The following SLCO5A1 variants were observed in gnomAD, a reference collection of about 807,000 sequenced individuals.
The protein encoded by SLCO5A1 is organic anion transporter polypeptide-related protein 4.
SLCO5A1 carries 39 observed loss-of-function variants against 65.1 expected under a neutral mutation model. That is an observed-to-expected ratio of 0.60 (90% CI 0.46 to 0.78). The LOEUF (loss-of-function observed/expected upper bound fraction) is 0.78, where lower values mean the gene tolerates loss of function less well. SLCO5A1 is among the 30% of genes least tolerant of loss of function. The pLI is 0.00. For synonymous variants in SLCO5A1, 438 were observed against 415.7 expected (o/e 1.05, Z -0.65); for missense variants, 1,029 against 1,069.4 (o/e 0.96, Z 0.53).
chr8:69,763,143 C>G (rs1029790371), intron 2 of SLCO5A1, among the ~76,000 whole-genome samples: 6 of 151,894 alleles, frequency 4.0e-5, no homozygotes, highest in African/African-American at 1.5e-4. Flanking sequence ...AACCTCGTCT[C>G]TACTAAAAAT....
intron 5 of SLCO5A1, among the ~76,000 whole-genome samples, chr8:69,723,897 T>G (rs1815950534): frequency 6.6e-6 from 1 of 152,030 alleles, no homozygotes. Context: ...CTCAGCCTTC[T>G]GAGTAGCTGA....
intron 2 of SLCO5A1, among the ~76,000 whole-genome samples, chr8:69,778,297 A>C (rs1040040420): frequency 6.6e-6 from 1 of 151,360 alleles, no homozygotes; most frequent in African/African-American, 2.4e-5. Context: ...TTGTATATTT[A>C]ATTATGTACA....
chr8:69,668,565 T>A lies in SLCO5A1; in HGVS notation c.*4304A>T, dbSNP rs1813244674. 1 of 152,238 alleles carries A rather than the reference T, an allele frequency of 6.6e-6. No homozygotes were observed. Among genetic ancestry groups the A allele is most frequent in the African/African-American group, 2.4e-5 (1 of 41,460 alleles). The allele number at this position is 152,238 out of a possible 1,614,324, so 9.4% of individuals were successfully genotyped here. ...CTACCACCCGAGGCTTGGGCTTGCC[T>A]CCTGCTCCTGGGTGCACTAGGGAAT... On this transcript the variant is annotated 3_prime_UTR_variant, in exon 10 of 10. Transcript: ENST00000260126.
chr8:69,764,025 G>A (rs189806321), intron 2 of SLCO5A1, among the ~76,000 whole-genome samples: 58 of 152,144 alleles, frequency 3.8e-4, no homozygotes, highest in African/African-American at 1.2e-3. Flanking sequence ...CCATCGCACC[G>A]GGCTAATTTT....
At chr8:69,731,446 C>T (rs1021827550) in intron 5 of SLCO5A1, among the ~76,000 whole-genome samples, 3 of 152,250 alleles carry the variant, frequency 2.0e-5, no homozygotes, top group Non-Finnish European at 4.4e-5. Flanking sequence ...TTTGGGTCAT[C>T]TGAGTCTTAA....
intron 2 of SLCO5A1, among the ~76,000 whole-genome samples, chr8:69,781,712 C>A (rs1818800895): frequency 6.6e-6 from 1 of 151,970 alleles, no homozygotes; most frequent in Admixed American, 6.6e-5. Context: ...GGCTGGAGTG[C>A]AATGGCGCGA....
At chr8:69,674,121 C>T (rs1444869954) in intron 9 of SLCO5A1, among the ~76,000 whole-genome samples, 11 of 152,236 alleles carry the variant, frequency 7.2e-5, no homozygotes, top group Admixed American at 7.2e-4. Flanking sequence ...AAATTCCTGA[C>T]TTACTCAGAT....
At chr8:69,737,099 C>A (rs1466285129) in intron 5 of SLCO5A1, among the ~76,000 whole-genome samples, 1 of 152,200 alleles carries the variant, frequency 6.6e-6, no homozygotes, top group Non-Finnish European at 1.5e-5. Context: ...CCTGGGCCCA[C>A]AACCCAATGT....
At chr8:69,713,228 T>C (rs1188357109) in intron 5 of SLCO5A1, among the ~76,000 whole-genome samples, 2 of 152,230 alleles carry the variant, frequency 1.3e-5, no homozygotes, top group Non-Finnish European at 2.9e-5. Context: ...TGCTCTAGTT[T>C]CACTGCCCTT....
At chr8:69,762,620 G>T (rs1022394397) in intron 2 of SLCO5A1, among the ~76,000 whole-genome samples, 1 of 149,574 alleles carries the variant, frequency 6.7e-6, no homozygotes, top group Non-Finnish European at 1.5e-5. Flanking sequence ...CTAAGATAAG[G>T]AAAAAAAAAG....
chr8:69,758,961 A>G (rs1817641312), intron 3 of SLCO5A1, among the ~76,000 whole-genome samples: 1 of 152,202 alleles, frequency 6.6e-6, no homozygotes, highest in Admixed American at 6.5e-5. Flanking sequence ...CTCTGAGGCT[A>G]ATGGAAAATT....
At chr8:69,757,085 A>G (rs1175836177) in intron 3 of SLCO5A1, among the ~76,000 whole-genome samples, 1 of 152,272 alleles carries the variant, frequency 6.6e-6, no homozygotes, top group Non-Finnish European at 1.5e-5. Context: ...TGTTTCTATT[A>G]AAGTGCTGTT....
intron 2 of SLCO5A1, among the ~76,000 whole-genome samples, chr8:69,798,913 A>G (rs1275746965): frequency 1.3e-5 from 2 of 152,246 alleles, no homozygotes; most frequent in Non-Finnish European, 2.9e-5. Context: ...TTTTGACAAC[A>G]ATAGAAGATT....
At chr8:69,793,807 AAAT>A (rs1173816353) in intron 2 of SLCO5A1, among the ~76,000 whole-genome samples, 10 of 149,468 alleles carry the variant, frequency 6.7e-5, no homozygotes, top group South Asian at 4.2e-4. Context: ...ATAAATAAAT[AAAT>A]AAATAAAATA....
In SLCO5A1 at chr8:69,761,887, G is replaced by C. The variant is rs753920749; in HGVS notation, c.908-12C>G. The C allele has an allele frequency of 6.2e-7, 1 of 1,610,226 alleles. No homozygotes were observed. The highest frequency in any genetic ancestry group is 2.2e-5 in the East Asian group (1 of 44,832). Reference sequence around the variant, plus strand: ...GACATACATGATGGCTGAGAAGACAGAAGGGGAAATGTGAAATACAGCGAC... The same window carrying C: ...GACATACATGATGGCTGAGAAGACACAAGGGGAAATGTGAAATACAGCGAC... On this transcript the variant is annotated splice_polypyrimidine_tract_variant and intron_variant, in intron 2 of 9. Coordinates refer to ENST00000260126, the MANE Select transcript of SLCO5A1 (RefSeq NM_030958.3).
chr8:69,733,646 C>G (rs1816431847), intron 5 of SLCO5A1, among the ~76,000 whole-genome samples: 1 of 152,148 alleles, frequency 6.6e-6, no homozygotes, highest in African/African-American at 2.4e-5. Flanking sequence ...TTCCCCCATG[C>G]TAGTCTCATG....
intron 6 of SLCO5A1, among the ~76,000 whole-genome samples, chr8:69,704,581 A>G (rs1034940532): frequency 3.3e-5 from 5 of 152,226 alleles, no homozygotes; most frequent in Non-Finnish European, 7.3e-5. Flanking sequence ...AAAAAAATGA[A>G]TGAAAGGGGT....
At chr8:69,752,099 C>T (rs1464077419) in intron 4 of SLCO5A1, among the ~76,000 whole-genome samples, 1 of 152,050 alleles carries the variant, frequency 6.6e-6, no homozygotes, top group East Asian at 1.9e-4. Context: ...GGTGTGGTGG[C>T]ACAGGCCTGT....
At chr8:69,698,315 A>G (rs1814586098) in intron 6 of SLCO5A1, among the ~76,000 whole-genome samples, 2 of 152,220 alleles carry the variant, frequency 1.3e-5, no homozygotes, top group African/African-American at 2.4e-5. Flanking sequence ...TGCAATGAAC[A>G]TATGTGTGCA....
Sources: allele counts gnomAD v4.1 joint callset (sites outside exome capture counted in the v4.1 genomes callset), GRCh38; gene constraint gnomAD v4.1.1; transcripts MANE v1.5; gene names NCBI Gene and HGNC (gene_info 2026-07-23, HGNC 2026-07-21).